TTC27: variants seen among roughly 807,000 people sequenced by gnomAD.
TTC27 encodes the protein tetratricopeptide repeat protein 27.
A neutral mutation model predicts 115.9 loss-of-function variants in TTC27; 79 were observed. The observed-to-expected ratio is 0.68, with a 90% CI of 0.57 to 0.82. The LOEUF is 0.82. Among genes scored for constraint, TTC27 ranks in the 40% least tolerant of loss-of-function variants. TTC27 has a pLI of 0.00. For missense variants in TTC27, 1,054 were observed against 993.1 expected (o/e 1.06, Z -0.82); for synonymous variants, 401 against 356.0 (o/e 1.13, Z -1.42).
At chr2:32,655,824 G>C (rs545545219) in intron 5 of TTC27, among the ~76,000 whole-genome samples, 2 of 151,708 alleles carry the variant, frequency 1.3e-5, no homozygotes, top group Admixed American at 6.6e-5. Flanking sequence ...CTTTCATGCA[G>C]TATTTCTGCT....
intron 10 of TTC27, among the ~76,000 whole-genome samples, chr2:32,718,449 T>C (rs1667820783): frequency 6.6e-6 from 1 of 152,244 alleles, no homozygotes; most frequent in South Asian, 2.1e-4. Context: ...TGATTGTCCT[T>C]TTTCTTAATA....
intron 13 of TTC27, among the ~76,000 whole-genome samples, chr2:32,776,941 A>T (rs1034876539): frequency 7.2e-5 from 11 of 152,274 alleles, no homozygotes; most frequent in Non-Finnish European, 1.2e-4. Context: ...CCCTTTTGAC[A>T]GAGGCTATTG....
At chr2:32,745,496 A>T (rs921079037) in intron 12 of TTC27, among the ~76,000 whole-genome samples, 18 of 152,132 alleles carry the variant, frequency 1.2e-4, no homozygotes, top group Admixed American at 3.3e-4. Context: ...TTCCTCAGGG[A>T]AGAGGAGTTT....
chr2:32,732,026 A>C (rs145413495), intron 10 of TTC27, among the ~76,000 whole-genome samples: 1 of 122,726 alleles, frequency 8.1e-6, no homozygotes, highest in Non-Finnish European at 1.8e-5. Flanking sequence ...TTTTGTTTTT[A>C]TTATTAATGG....
At chr2:32,725,895 TCTTGA>T (rs1409722159) in intron 10 of TTC27, among the ~76,000 whole-genome samples, 3 of 152,204 alleles carry the variant, frequency 2.0e-5, no homozygotes, top group Non-Finnish European at 4.4e-5. Context: ...AAACCTGAGT[TCTTGA>T]CTTCTGTGCC....
At chr2:32,707,690 C>T (rs896302520) in intron 10 of TTC27, among the ~76,000 whole-genome samples, 4 of 152,172 alleles carry the variant, frequency 2.6e-5, no homozygotes, top group South Asian at 2.1e-4. Context: ...AAGTTTAGGT[C>T]GCTCTATTGA....
chr2:32,686,909 A>C (rs543347605), intron 9 of TTC27, among the ~76,000 whole-genome samples: 1 of 152,036 alleles, frequency 6.6e-6, no homozygotes, highest in African/African-American at 2.4e-5. Context: ...CAATGGCACA[A>C]TCTTGGCTCA....
At chr2:32,679,452 T>A (rs927328785) in intron 9 of TTC27, among the ~76,000 whole-genome samples, 1 of 152,134 alleles carries the variant, frequency 6.6e-6, no homozygotes, top group African/African-American at 2.4e-5. Context: ...TATTTGAGGA[T>A]TTTAGATCAA....
intron 10 of TTC27, among the ~76,000 whole-genome samples, chr2:32,729,226 T>C (rs190107309): frequency 1.1e-4 from 17 of 152,370 alleles, no homozygotes; most frequent in East Asian, 3.9e-4. Context: ...GCCATACTTT[T>C]AGATGAGAAC....
At chr2:32,678,668 C>T (rs939655063) in intron 8 of TTC27, among the ~76,000 whole-genome samples, 188 bp from the exon 9 acceptor site, 1 of 152,096 alleles carries the variant, frequency 6.6e-6, no homozygotes, top group African/African-American at 2.4e-5. Flanking sequence ...ACCTTGTGAT[C>T]TGCCCGCCTC....
At chr2:32,692,146 G>T (rs951217588) in intron 9 of TTC27, among the ~76,000 whole-genome samples, 4 of 136,384 alleles carry the variant, frequency 2.9e-5, no homozygotes, top group South Asian at 2.4e-4. Flanking sequence ...CTCCCAAAGT[G>T]CTGGGATTAT....
At chr2:32,804,758 G>A (rs1239416302) in intron 16 of TTC27, among the ~76,000 whole-genome samples, 1 of 151,504 alleles carries the variant, frequency 6.6e-6, no homozygotes, top group Non-Finnish European at 1.5e-5. Context: ...AGTTTATATA[G>A]TATTATAATA....
intron 12 of TTC27, among the ~76,000 whole-genome samples, chr2:32,746,576 A>AAAAT (rs1305264589): frequency 1.3e-5 from 2 of 150,406 alleles, no homozygotes; most frequent in African/African-American, 4.9e-5. Context: ...AAAAAAAAAA[A>AAAAT]AAAAAAGAAT....
At chr2:32,715,286 C>T (rs1261704202) in intron 10 of TTC27, among the ~76,000 whole-genome samples, 1 of 152,128 alleles carries the variant, frequency 6.6e-6, no homozygotes. Context: ...CAGTCTTCTG[C>T]ATGTGGTTAG....
chr2:32,637,599 G>A (rs1664477971), intron 3 of TTC27, among the ~76,000 whole-genome samples: 1 of 152,148 alleles, frequency 6.6e-6, no homozygotes, highest in Non-Finnish European at 1.5e-5. Context: ...CCAAAGTGCT[G>A]AGATTCCAGG....
chr2:32,714,783 C>G (rs1382124435), intron 10 of TTC27, among the ~76,000 whole-genome samples: 1 of 152,118 alleles, frequency 6.6e-6, no homozygotes, highest in Non-Finnish European at 1.5e-5. Context: ...CCCATTCTGA[C>G]TATTGTGAGA....
intron 16 of TTC27, among the ~76,000 whole-genome samples, chr2:32,803,153 C>T (rs932043728): frequency 2.0e-5 from 3 of 152,324 alleles, no homozygotes; most frequent in African/African-American, 7.2e-5. Flanking sequence ...TGGCCTGGTT[C>T]CTCAGGAAAC....
At chr2:32,689,011 T>G (rs1666728827) in intron 9 of TTC27, among the ~76,000 whole-genome samples, 1 of 152,060 alleles carries the variant, frequency 6.6e-6, no homozygotes, top group East Asian at 1.9e-4. Context: ...ATCCCTCTCA[T>G]GAAATAATAC....
At chr2:32,708,306 T>G (rs1174772376) in intron 10 of TTC27, among the ~76,000 whole-genome samples, 1 of 120,288 alleles carries the variant, frequency 8.3e-6, no homozygotes, top group Non-Finnish European at 1.7e-5. Context: ...TCTACCTTGT[T>G]TTTTTTTTTT....
Sources: allele counts gnomAD v4.1 joint callset (sites outside exome capture counted in the v4.1 genomes callset), GRCh38; gene constraint gnomAD v4.1.1; transcripts MANE v1.5; gene names NCBI Gene and HGNC (gene_info 2026-07-23, HGNC 2026-07-21).